Variants in NCOA2 observed in about 807,000 individuals in gnomAD.
NCOA2 encodes the protein class E basic helix-loop-helix protein 75.
Under a neutral mutation model 145.1 loss-of-function variants are expected in NCOA2, and 21 were observed. That is an observed-to-expected ratio of 0.14 (90% confidence interval 0.10 to 0.21). The LOEUF (loss-of-function observed/expected upper bound fraction) is 0.21, where lower values mean the gene tolerates loss of function less well. Ranked by LOEUF, NCOA2 falls within the 10% of genes least tolerant of loss-of-function variation. NCOA2 has a pLI of 1.00. For synonymous variants in NCOA2, 619 were observed against 637.5 expected (o/e 0.97, Z 0.44); for missense variants, 1,472 against 1,837.6 (o/e 0.80, Z 3.64).
chr8:70,314,829 G>A (rs1258479963), intron 1 of NCOA2, among the ~76,000 whole-genome samples: 1 of 152,178 alleles, frequency 6.6e-6, no homozygotes, highest in African/African-American at 2.4e-5. Flanking sequence ...AGGCCTACAA[G>A]AGAAACGCAA....
chr8:70,163,809 C>T (rs1410347950), intron 7 of NCOA2, among the ~76,000 whole-genome samples: 3 of 151,980 alleles, frequency 2.0e-5, no homozygotes, highest in Non-Finnish European at 2.9e-5. Context: ...GCCAAGTCCC[C>T]GCGATACATG....
chr8:70,166,511 G>GT (rs1813633621), intron 7 of NCOA2, 55 bp downstream of exon 7: 1 of 1,573,232 alleles, frequency 6.4e-7, no homozygotes, highest in African/African-American at 1.4e-5. Context: ...TGTGAAGGAA[G>GT]TAGCACAGGA....
intron 1 of NCOA2, among the ~76,000 whole-genome samples, chr8:70,399,977 T>C (rs900541124): frequency 1.3e-5 from 2 of 152,198 alleles, no homozygotes; most frequent in Non-Finnish European, 2.9e-5. Context: ...TGCTCACAGA[T>C]CCTTGATGTT....
In NCOA2 at chr8:70,148,398, G is replaced by A; in HGVS notation, c.2480C>T (p.Pro827Leu). Residue 827 changes from proline (P) to leucine (L), a missense_variant, in exon 12 of 23, where the codon CCA (proline) becomes CTA (leucine). Physicochemically the swap from Pro to Leu is moderately conservative, Grantham distance 98. Around this residue, in one of 4 missense-constraint regions of NCOA2, gnomAD observed 953 missense variants for 1,062.1 expected, o/e 0.90. Transcript: ENST00000452400. ...GTCAACTGATCCAGCAGGGGCGCCT[G>A]GCCTCGTGTCTGGGAAAAGCTGTGG... The part of the protein sequence containing the change: ...QLPQLFPDTR[P>L]GAPAGSVDKQ... 6.2e-7 allele frequency: 1 copy of A among 1,613,930 alleles called. No homozygotes were observed. Among genetic ancestry groups the A allele is most frequent in the South Asian group, 1.1e-5 (1 of 91,076 alleles).
the NCOA2 span, among the ~76,000 whole-genome samples, chr8:70,434,660 C>T: frequency 2.6e-5 from 4 of 152,092 alleles, no homozygotes; most frequent in African/African-American, 7.2e-5. Context: ...CCTTGACCTT[C>T]GGGGCTCACG....
Position 70,159,486 on chromosome 8 carries a change from T to G in NCOA2, c.1124+19A>C. 6.5e-7 allele frequency: 1 copy of G among 1,543,988 alleles called. No homozygotes were observed. Among genetic ancestry groups the G allele is most frequent in the South Asian group, 1.2e-5 (1 of 83,368 alleles). ...TCTTAACTTGGAAATGGAAAATGAC[T>G]TCTTAGAACTAGGATTACCTGTGAA... is the stretch of plus-strand genomic sequence containing the variant. On this transcript the variant is annotated intron_variant, in intron 10 of 22. Transcript: ENST00000452400.
the NCOA2 span, among the ~76,000 whole-genome samples, chr8:70,427,928 A>T: frequency 6.6e-6 from 1 of 152,196 alleles, no homozygotes; most frequent in African/African-American, 2.4e-5. Flanking sequence ...TTACGTATGG[A>T]TAAATGTCAC....
chr8:70,380,792 A>T (rs929383747), intron 1 of NCOA2, among the ~76,000 whole-genome samples: 2 of 152,152 alleles, frequency 1.3e-5, no homozygotes, highest in African/African-American at 4.8e-5. Context: ...AGAAAAAAAA[A>T]GGCCTGTGGC....
chr8:70,367,375 G>A (rs1220298179), intron 1 of NCOA2, among the ~76,000 whole-genome samples: 1 of 152,162 alleles, frequency 6.6e-6, no homozygotes, highest in East Asian at 1.9e-4. Context: ...AGCTCTGTGG[G>A]AATAATAGTA....
chr8:70,139,179 A>C (rs1810090169), intron 14 of NCOA2, among the ~76,000 whole-genome samples: 1 of 152,200 alleles, frequency 6.6e-6, no homozygotes, highest in South Asian at 2.1e-4. Flanking sequence ...TAAAAATTAT[A>C]TTATCATCAT....
intron 11 of NCOA2, 123 bp from the exon 12 acceptor site, chr8:70,148,606 G>T: frequency 1.3e-6 from 1 of 766,288 alleles, no homozygotes; most frequent in Non-Finnish European, 2.1e-6. Context: ...GTAGATTCCT[G>T]CATACCACAG....
intron 1 of NCOA2, among the ~76,000 whole-genome samples, chr8:70,374,796 T>TAA (rs543953209): frequency 7.2e-4 from 96 of 133,362 alleles, no homozygotes; most frequent in African/African-American, 2.1e-3. Context: ...GCTGTCTCTT[T>TAA]AAAAAAAAAA....
chr8:70,235,798 C>T (rs764876156), intron 2 of NCOA2, among the ~76,000 whole-genome samples: 9 of 152,148 alleles, frequency 5.9e-5, no homozygotes, highest in East Asian at 1.9e-4. Context: ...GAACTATGAT[C>T]GCACCACTAT....
chr8:70,257,911 TTTTTC>T (rs1051036554), intron 2 of NCOA2, among the ~76,000 whole-genome samples: 1 of 151,958 alleles, frequency 6.6e-6, no homozygotes, highest in Non-Finnish European at 1.5e-5. Context: ...GAGCATGTCT[TTTTTC>T]TTTTCTTTTT....
intron 1 of NCOA2, among the ~76,000 whole-genome samples, chr8:70,342,882 T>C (rs1450457824): frequency 6.6e-6 from 1 of 151,710 alleles, no homozygotes; most frequent in African/African-American, 2.4e-5. Context: ...GCAAAATTTA[T>C]GTAAGGTAGA....
chr8:70,447,384 G>T, the NCOA2 span, among the ~76,000 whole-genome samples: 69 of 152,228 alleles, frequency 4.5e-4, no homozygotes, highest in Admixed American at 4.3e-3. Context: ...TAATTTGAAA[G>T]AAACTTTTCC....
At chr8:70,233,759 A>G (rs552687692) in intron 2 of NCOA2, among the ~76,000 whole-genome samples, 1 of 152,092 alleles carries the variant, frequency 6.6e-6, no homozygotes, top group East Asian at 1.9e-4. Context: ...TTCTTTTTCA[A>G]TCTCTTTTAT....
At chr8:70,204,871 A>G (rs1008657836) in intron 4 of NCOA2, among the ~76,000 whole-genome samples, 1 of 152,120 alleles carries the variant, frequency 6.6e-6, no homozygotes, top group African/African-American at 2.4e-5. Flanking sequence ...GCATGACTGT[A>G]GTGGTGCACA....
chr8:70,363,093 A>ACAAAC (rs1201424052), intron 1 of NCOA2, among the ~76,000 whole-genome samples: 6 of 150,014 alleles, frequency 4.0e-5, no homozygotes, highest in African/African-American at 1.5e-4. Flanking sequence ...AAAAAAAAAA[A>ACAAAC]AAAAAAAAGG....
Sources: gnomAD v4.1 joint callset for allele counts (sites outside exome capture counted in the v4.1 genomes callset) on GRCh38, gnomAD v4.1.1 for gene constraint, gnomAD v4.1.1 regional missense constraint, MANE v1.5 for transcripts, NCBI Gene and HGNC (gene_info 2026-07-23, HGNC 2026-07-21) for gene names.